REV3L: variants seen among roughly 807,000 people sequenced by gnomAD.
REV3L encodes DNA polymerase zeta catalytic subunit.
A neutral mutation model predicts 299.4 loss-of-function variants in REV3L; 69 were observed. That is an observed-to-expected ratio of 0.23 (90% CI 0.19 to 0.28). REV3L has a LOEUF of 0.28. Among genes scored for constraint, REV3L ranks in the 10% least tolerant of loss-of-function variants. The probability of loss-of-function intolerance (pLI) is 1.00; values close to 1 mark genes in which losing one functional copy is unlikely to be tolerated. For synonymous variants in REV3L, 1,238 were observed against 1,271.4 expected (o/e 0.97, Z 0.56); for missense variants, 3,128 against 3,693.8 (o/e 0.85, Z 3.97).
chr6:111,430,808 C>A, intron 1 of REV3L: 1 of 1,608,604 alleles, frequency 6.2e-7, no homozygotes, highest in South Asian at 1.1e-5. Flanking sequence ...TGGAGGAAAG[C>A]TGACCAGGCG....
In REV3L at chr6:111,329,848, C is replaced by G; in HGVS notation, c.8035-110G>C. On this transcript the variant is annotated intron_variant, in intron 24 of 31. Transcript: ENST00000368802. ...GCCAACTGTCAGGAATTGAAACATG[C>G]TAACAACAGAGTGACCATAGTATTA... is the stretch of plus-strand genomic sequence containing the variant. 6.4e-6 allele frequency: 5 copies of G among 784,684 alleles called. No homozygotes were observed. The South Asian group carries it at 8.1e-5, about 13-fold the overall frequency. The allele number at this position is 784,684 out of a possible 1,614,324, so 48.6% of individuals were successfully genotyped here.
chr6:111,360,904 T>TA (rs574121702), intron 16 of REV3L, among the ~76,000 whole-genome samples: 42 of 149,630 alleles, frequency 2.8e-4, no homozygotes, highest in Non-Finnish European at 4.5e-4. Context: ...ATATTAGTAT[T>TA]AAAAAAAAAA....
intron 16 of REV3L, among the ~76,000 whole-genome samples, chr6:111,360,079 A>C (rs1411006679): frequency 1.3e-5 from 2 of 152,222 alleles, no homozygotes; most frequent in African/African-American, 4.8e-5. Context: ...AAGACTGGAA[A>C]AAAACTAAAT....
chr6:111,322,296 A>C (rs544186419), intron 26 of REV3L, among the ~76,000 whole-genome samples: 73 of 152,320 alleles, frequency 4.8e-4, no homozygotes, highest in African/African-American at 1.7e-3. Flanking sequence ...TCCTGTGTAC[A>C]CAGTTAGTTT....
chr6:111,370,058 C>T (rs1403803697), intron 13 of REV3L, among the ~76,000 whole-genome samples: 1 of 152,116 alleles, frequency 6.6e-6, no homozygotes, highest in Non-Finnish European at 1.5e-5. Context: ...GTCTCGATCT[C>T]CTGACCTTGT....
intron 1 of REV3L, among the ~76,000 whole-genome samples, chr6:111,462,242 A>G (rs905252536): frequency 1.3e-5 from 2 of 152,178 alleles, no homozygotes; most frequent in Admixed American, 6.5e-5. Flanking sequence ...TCTCATGTCT[A>G]TTGCTAATAT....
At chr6:111,416,214 G>T in intron 2 of REV3L, 69 bp downstream of exon 2, 2 of 1,046,416 alleles carry the variant, frequency 1.9e-6, no homozygotes, top group South Asian at 4.8e-5. Context: ...TTTATCAACT[G>T]AGTATGTTTT....
rs1380166705 is a variant in REV3L at position 111,367,680 on chromosome 6, G to C, written c.6108C>G (p.Asn2036Lys). The change falls in exon 14 of 32, where the codon AAC (asparagine) becomes AAG (lysine). Residue 2036 changes from asparagine to lysine, a missense_variant. Physicochemically the swap from Asn to Lys is moderately conservative, Grantham distance 94. This residue lies in a region of REV3L where 2,409 missense variants were observed against 2,611.8 expected (regional missense o/e 0.92). Transcript: ENST00000368802. The part of the protein sequence containing the change: ...KPTGVVKSAE[N>K]FSSSVNPDDK... The stretch of plus-strand genomic sequence containing the variant: ...CATCTGGGTTAACTGAAGAGCTAAA[G>C]TTCTCAGCAGATTTTACAACTCCAG... The C allele has an allele frequency of 6.2e-7, 1 of 1,614,206 alleles. No homozygotes were observed. Among genetic ancestry groups the C allele is most frequent in the African/African-American group, 1.3e-5 (1 of 75,056 alleles).
intron 25 of REV3L, among the ~76,000 whole-genome samples, chr6:111,328,163 T>C (rs1039201438): frequency 6.6e-6 from 1 of 152,240 alleles, no homozygotes; most frequent in Admixed American, 6.5e-5. Context: ...AAAATGTCTT[T>C]CAACTGTCAC....
intron 1 of REV3L, among the ~76,000 whole-genome samples, chr6:111,473,736 A>C (rs952178661): frequency 1.4e-4 from 21 of 151,958 alleles, no homozygotes; most frequent in African/African-American, 4.8e-4. Flanking sequence ...TTGTCTTTCA[A>C]TTATCATCAA....
intron 25 of REV3L, among the ~76,000 whole-genome samples, chr6:111,324,125 G>C (rs552743028): frequency 6.6e-6 from 1 of 152,048 alleles, no homozygotes; most frequent in Non-Finnish European, 1.5e-5. Context: ...TCAGTCTCCC[G>C]AATAGCTGGG....
intron 30 of REV3L, among the ~76,000 whole-genome samples, chr6:111,308,725 A>G (rs575045206): frequency 6.6e-6 from 1 of 152,216 alleles, no homozygotes; most frequent in African/African-American, 2.4e-5. Context: ...CTGTACATTT[A>G]TTTTCTATTA....
At chr6:111,380,545 C>T (rs1454292080) in intron 10 of REV3L, among the ~76,000 whole-genome samples, 1 of 152,158 alleles carries the variant, frequency 6.6e-6, no homozygotes, top group Non-Finnish European at 1.5e-5. Context: ...AGGCGTGAGC[C>T]ACCACGCCCG....
At chr6:111,453,939 T>C (rs1363505994) in intron 1 of REV3L, among the ~76,000 whole-genome samples, 1 of 152,136 alleles carries the variant, frequency 6.6e-6, no homozygotes, top group African/African-American at 2.4e-5. Context: ...TGTGCTAAGA[T>C]CATGCCATTG....
At position 111,380,207 on chromosome 6, in the gene REV3L, G is replaced by T. The variant is rs1309054695; in HGVS notation, c.1229C>A (p.Pro410His). Reference protein sequence around the residue: ...SESPVFMDSSPDEALVHLLAG... With the variant: ...SESPVFMDSSHDEALVHLLAG... ...AAGAAGATGTACCAGAGCCTCATCA[G>T]GACTACTGTCCACTATAAAACAAGT... is the stretch of plus-strand genomic sequence containing the variant. The change falls in exon 11 of 32, where the codon CCT becomes CAT. Residue 410 changes from proline to histidine, a missense_variant. By Grantham distance (77) the Pro-to-His change is moderately conservative. This residue lies in a region of REV3L where 2,409 missense variants were observed against 2,611.8 expected (regional missense o/e 0.92). Coordinates refer to ENST00000368802, the MANE Select transcript of REV3L (RefSeq NM_001372078.1). 6.2e-7 allele frequency: 1 copy of T among 1,610,342 alleles called. No individual in the cohort carries two copies. The highest frequency in any genetic ancestry group is 8.5e-7 in the Non-Finnish European group (1 of 1,176,718).
At chr6:111,349,418 A>G (rs1777360587) in intron 19 of REV3L, 82 bp from the exon 20 acceptor site, 3 of 611,122 alleles carry the variant, frequency 4.9e-6, no homozygotes, top group South Asian at 5.7e-5. Flanking sequence ...ATGAGAATAT[A>G]CATTAAGGAT....
chr6:111,431,965 AAG>A (rs1256791994), intron 1 of REV3L, among the ~76,000 whole-genome samples: 3 of 152,178 alleles, frequency 2.0e-5, no homozygotes, highest in South Asian at 4.1e-4. Flanking sequence ...AGGAAAAAAA[AAG>A]AGGGTTTTTA....
chr6:111,375,096 G>A lies in REV3L; in HGVS notation c.3259C>T (p.Pro1087Ser), dbSNP rs1284920600. ...TCAGCATTGTAAGATGGTGAGGGAGGAGAAAGAATAGCATGTGACCGTTTT... is the reference window on the plus strand; with the variant it reads ...TCAGCATTGTAAGATGGTGAGGGAGAAGAAAGAATAGCATGTGACCGTTTT... Reference protein sequence around the residue: ...RKKRSHAILSPPSPSYNAETE... With the variant: ...RKKRSHAILSSPSPSYNAETE... Residue 1087 changes from proline (P) to serine (S), a missense_variant, in exon 13 of 32, where the codon CCT becomes TCT. By Grantham distance (74) the Pro-to-Ser change is moderately conservative. This residue lies in a region of REV3L where 2,409 missense variants were observed against 2,611.8 expected (regional missense o/e 0.92). Transcript: ENST00000368802. 6.2e-7 allele frequency: 1 copy of A among 1,613,734 alleles called. No homozygotes were observed. The highest frequency in any genetic ancestry group is 1.7e-5 in the Admixed American group (1 of 59,988).
chr6:111,307,413 A>T lies in REV3L; in HGVS notation c.9200T>A (p.Ile3067Asn), dbSNP rs1772439126. ...CRSQPQHVAV[I>N]LNQEIRELER... The stretch of plus-strand genomic sequence containing the variant: ...CAACTCCCGGATTTCTTGGTTGAGG[A>T]TGACTGCAACATGCTGAGGTTGGCT... The change falls in exon 31 of 32, where the codon ATC becomes AAC. Residue 3067 changes from isoleucine (I) to asparagine (N), a missense_variant. Ile to Asn is a moderately radical substitution (Grantham distance 149, BLOSUM62 -3). Transcript: ENST00000368802. The T allele has an allele frequency of 8.7e-6, 14 of 1,614,152 alleles. No individual in the cohort carries two copies. Among genetic ancestry groups the T allele is most frequent in the Non-Finnish European group, 1.2e-5 (14 of 1,180,028 alleles).
Sources: allele counts gnomAD v4.1 joint callset (sites outside exome capture counted in the v4.1 genomes callset), GRCh38; gene constraint gnomAD v4.1.1; regional missense constraint gnomAD v4.1.1; transcripts MANE v1.5; gene names NCBI Gene and HGNC (gene_info 2026-07-23, HGNC 2026-07-21).